The following TLE1 variants were observed in gnomAD, a reference collection of about 807,000 sequenced individuals.
TLE1 encodes the protein TLE family member 1, transcriptional corepressor, also known as transducin-like enhancer protein 1.
A neutral mutation model predicts 89.8 loss-of-function variants in TLE1; 21 were observed. The observed-to-expected ratio is 0.23, with a 90% CI of 0.17 to 0.34. The LOEUF is 0.34. Among genes scored for constraint, TLE1 ranks in the 10% least tolerant of loss-of-function variants. The pLI, the probability that TLE1 is intolerant of heterozygous loss-of-function variation, is 1.00. For synonymous variants in TLE1, 447 were observed against 407.6 expected (o/e 1.10, Z -1.16); for missense variants, 795 against 1,031.2 (o/e 0.77, Z 3.14).
At chr9:81,612,184 A>G (rs1202539836) in intron 12 of TLE1, 2 of 693,118 alleles carry the variant, frequency 2.9e-6, no homozygotes, top group Non-Finnish European at 4.0e-6. Context: ...CACAACCCAC[A>G]CATTTTCTCA....
rs1171599646 is a variant in TLE1 at position 81,610,275 on chromosome 9, G to A, written c.1276C>T (p.His426Tyr). Residue 426 changes from histidine (H) to tyrosine (Y), a missense_variant, in exon 14 of 20, where the codon CAC (histidine) becomes TAC (tyrosine). His to Tyr is a moderately conservative substitution (Grantham distance 83, BLOSUM62 2). This residue lies in a region of TLE1 where 468 missense variants were observed against 509.1 expected (regional missense o/e 0.92). Transcript: ENST00000376499. The stretch of plus-strand genomic sequence containing the variant: ...GGAGGAATGGTAGGTACTCTCATGT[G>A]AGGGGGAGGATCAAACCCCACCTGG... ...SPMVGFDPPP[H>Y]MRVPTIPPNL... The A allele has an allele frequency of 6.2e-7, 1 of 1,614,034 alleles. No homozygotes were observed. The highest frequency in any genetic ancestry group is 1.7e-5 in the Admixed American group (1 of 60,012).
At chr9:81,587,908 G>GTGTGTGTGTGTGTCATCCCGCC in intron 16 of TLE1, 80 bp from the exon 17 acceptor site, 1 of 601,572 alleles carries the variant, frequency 1.7e-6, no homozygotes, top group Non-Finnish European at 2.4e-6. Context: ...GTTTTGGACC[G>GTGTGTGTGTGTGTCATCCCGCC]TGTGTGTGTG....
intron 4 of TLE1, among the ~76,000 whole-genome samples, chr9:81,671,145 G>A (rs188425802): frequency 6.6e-6 from 1 of 152,240 alleles, no homozygotes; most frequent in Admixed American, 6.5e-5. Flanking sequence ...TGCAGCCTGG[G>A]CAACAGAGTG....
intron 14 of TLE1, among the ~76,000 whole-genome samples, chr9:81,608,539 A>G (rs1393375332): frequency 6.6e-6 from 1 of 152,170 alleles, no homozygotes; most frequent in African/African-American, 2.4e-5. Context: ...CACTAATGTG[A>G]CATGCAAGTG....
At chr9:81,677,859 G>A (rs1007472380) in intron 4 of TLE1, among the ~76,000 whole-genome samples, 1 of 152,146 alleles carries the variant, frequency 6.6e-6, no homozygotes, top group African/African-American at 2.4e-5. Context: ...TGATCAGCAA[G>A]CTACATATAC....
rs1386746772 is a variant in TLE1, at chr9:81,593,125, T to A, written c.1481A>T (p.Asn494Ile). 16 of 1,613,938 alleles carry A rather than the reference T, an allele frequency of 9.9e-6. No individual in the cohort carries two copies. The highest frequency in any genetic ancestry group is 1.3e-5 in the Non-Finnish European group (15 of 1,180,034). Residue 494 changes from asparagine (N) to isoleucine (I), a missense_variant, in exon 15 of 20, where the codon AAC becomes ATC. By Grantham distance (149) the Asn-to-Ile change is moderately radical. This residue lies in a region of TLE1 where 468 missense variants were observed against 509.1 expected (regional missense o/e 0.92). Coordinates refer to ENST00000376499, the MANE Select transcript of TLE1 (RefSeq NM_005077.5). Reference sequence around the variant, plus strand: ...GCCTGTGTACACGTGTCTCGTGGGGTTGCTGATGGTCACAGCGCACACCAC... The same window carrying A: ...GCCTGTGTACACGTGTCTCGTGGGGATGCTGATGGTCACAGCGCACACCAC... ...GEVVCAVTIS[N>I]PTRHVYTGGK...
chr9:81,672,555 C>G (rs566794121), intron 4 of TLE1, among the ~76,000 whole-genome samples: 2 of 151,344 alleles, frequency 1.3e-5, no homozygotes, highest in South Asian at 2.1e-4. Context: ...ATGGAGTAGA[C>G]GAAGAAAGAC....
In TLE1 at chr9:81,688,342, G is replaced by C. The variant is rs544115345; in HGVS notation, c.-102C>G. 30 of 1,301,830 alleles carry C rather than the reference G, an allele frequency of 2.3e-5. No individual in the cohort carries two copies. In the East Asian group the frequency reaches 7.2e-4, roughly 31 times the overall value. The allele number at this position is 1,301,830 out of a possible 1,614,324, so 80.6% of individuals were successfully genotyped here. Reference sequence around the variant, plus strand: ...GAAAATTAAGCCGGAAAGCCAAGCAGAAGCGGGGAGCGCGCTGGCCACGCA... The same window carrying C: ...GAAAATTAAGCCGGAAAGCCAAGCACAAGCGGGGAGCGCGCTGGCCACGCA... On this transcript the variant is annotated 5_prime_UTR_variant, in exon 1 of 20. Coordinates refer to ENST00000376499, the MANE Select transcript of TLE1 (RefSeq NM_005077.5).
chr9:81,603,348 T>C (rs1181217411), intron 14 of TLE1, among the ~76,000 whole-genome samples: 2 of 152,194 alleles, frequency 1.3e-5, no homozygotes, highest in Non-Finnish European at 2.9e-5. Flanking sequence ...CTGTTCAGGA[T>C]ATGCCACACC....
At chr9:81,621,059 G>A in intron 8 of TLE1, 1 of 247,616 alleles carries the variant, frequency 4.0e-6, no homozygotes, top group Non-Finnish European at 8.3e-6. Flanking sequence ...CAACAATGAA[G>A]GAACTCTTTT....
chr9:81,632,399 G>A (rs1158198796), intron 8 of TLE1, among the ~76,000 whole-genome samples: 2 of 151,110 alleles, frequency 1.3e-5, no homozygotes, highest in African/African-American at 4.9e-5. Flanking sequence ...AGAAGAGGGG[G>A]GAAAAAACCC....
chr9:81,667,385 CAA>C lies in TLE1; in HGVS notation c.235-13351_235-13350del, dbSNP rs397893862. Among the ~76,000 whole-genome samples the C allele has an allele frequency of 1.4e-3, 122 of 89,850 alleles. 1 individual carries two copies. The highest frequency in any genetic ancestry group is 2.0e-3 in the African/African-American group (45 of 22,834). The allele number at this position is 89,850 out of a possible 152,430, so 58.9% of individuals were successfully genotyped here. A position where few individuals can be genotyped will look rare whatever the true frequency, so the allele number is the denominator to read the frequency against. On this transcript the variant is annotated intron_variant, in intron 4 of 19. Transcript: ENST00000376499. ...CCTGGGAGACAGAGACAGACTGTCT[CAA>C]AAAAAAAAAAAAAAAAAAGAAGCAA...
rs76317077 is a variant in TLE1 at position 81,682,683 on chromosome 9, C to T, written c.234+2993G>A. Among the ~76,000 whole-genome samples the T allele has an allele frequency of 8.7e-3, 1,332 of 152,274 alleles. 16 individuals are homozygous for T. The highest frequency in any genetic ancestry group is 0.013 in the Non-Finnish European group (912 of 68,022). The stretch of plus-strand genomic sequence containing the variant: ...ACAGCTAGGCAAACCACCAGGCTCA[C>T]ATCAACTTGCTGTTTTTTAATGCAC... On this transcript the variant is annotated intron_variant, in intron 4 of 19. Coordinates refer to ENST00000376499, the MANE Select transcript of TLE1 (RefSeq NM_005077.5).
At chr9:81,624,758 G>C (rs1563987111) in intron 8 of TLE1, among the ~76,000 whole-genome samples, 1 of 152,060 alleles carries the variant, frequency 6.6e-6, no homozygotes, top group African/African-American at 2.4e-5. Flanking sequence ...TAGACTGTAT[G>C]TAAGTTTTCA....
chr9:81,664,527 GATAAA>G (rs1831214690), intron 4 of TLE1, among the ~76,000 whole-genome samples: 2 of 151,998 alleles, frequency 1.3e-5, no homozygotes, highest in Admixed American at 1.3e-4. Context: ...TAATTATGCC[GATAAA>G]ATAACTAATC....
intron 1 of TLE1, 61 bp downstream of exon 1, chr9:81,688,156 G>C: frequency 6.3e-7 from 1 of 1,592,330 alleles, no homozygotes; most frequent in South Asian, 1.1e-5. Flanking sequence ...TCTCCCTACC[G>C]CCCGGGAGAA....
chr9:81,585,716 G>T, intron 17 of TLE1, 61 bp from the exon 18 acceptor site: 2 of 1,579,898 alleles, frequency 1.3e-6, no homozygotes. Context: ...AAGGGAAGAC[G>T]CAATGTGAAA....
intron 6 of TLE1, among the ~76,000 whole-genome samples, chr9:81,641,305 C>G (rs1483847952): frequency 6.6e-6 from 1 of 152,210 alleles, no homozygotes; most frequent in African/African-American, 2.4e-5. Flanking sequence ...AAGGACACTA[C>G]TGCAGGAGTT....
chr9:81,672,900 T>TAC (rs1832404389), intron 4 of TLE1, among the ~76,000 whole-genome samples: 1 of 152,212 alleles, frequency 6.6e-6, no homozygotes. Flanking sequence ...TACTGATAGT[T>TAC]ACATTACTTA....
Sources: allele counts gnomAD v4.1 joint callset (sites outside exome capture counted in the v4.1 genomes callset), GRCh38; gene constraint gnomAD v4.1.1; regional missense constraint gnomAD v4.1.1; transcripts MANE v1.5; gene names NCBI Gene and HGNC (gene_info 2026-07-23, HGNC 2026-07-21).